MYO10: variants seen among roughly 807,000 people sequenced by gnomAD.
The protein encoded by MYO10 is myosin X.
In MYO10, 133 loss-of-function variants were observed where a neutral mutation model predicts 257.3. The ratio of observed to expected loss-of-function variants is 0.52; its 90% CI spans 0.45 to 0.60. The LOEUF (loss-of-function observed/expected upper bound fraction) is 0.60. Among genes scored for constraint, MYO10 ranks in the 20% least tolerant of loss-of-function variants. The probability of loss-of-function intolerance (pLI) is 0.00; values close to 1 mark genes in which losing one functional copy is unlikely to be tolerated. For synonymous variants in MYO10, 1,104 were observed against 1,028.6 expected, an observed-to-expected ratio of 1.07 and a Z score of -1.40; for missense variants, 2,399 against 2,635.7, an observed-to-expected ratio of 0.91 and a Z score of 1.97.
intron 3 of MYO10, chr5:16,815,292 G>C (rs1439373248): frequency 3.9e-6 from 2 of 512,892 alleles, no homozygotes; most frequent in Non-Finnish European, 3.4e-6. Flanking sequence ...TTTGGATTTT[G>C]GAATATTTGC....
chr5:16,852,271 G>A (rs1743832196), intron 2 of MYO10, among the ~76,000 whole-genome samples: 1 of 150,544 alleles, frequency 6.6e-6, no homozygotes, highest in African/African-American at 2.4e-5. Flanking sequence ...GAAACAAAAA[G>A]TATAGATTCT....
At chr5:16,820,054 G>A (rs1291643977) in intron 2 of MYO10, among the ~76,000 whole-genome samples, 1 of 152,244 alleles carries the variant, frequency 6.6e-6, no homozygotes, top group Admixed American at 6.5e-5. Context: ...TGCCACATGA[G>A]CCCCACAGGG....
intron 25 of MYO10, among the ~76,000 whole-genome samples, chr5:16,699,810 G>GAAAAGGA (rs1737958435): frequency 3.0e-5 from 4 of 131,910 alleles, no homozygotes; most frequent in Admixed American, 2.9e-4. Flanking sequence ...AAAAAAAAGG[G>GAAAAGGA]AAAAGGAAAA....
chr5:16,694,552 A>G lies in MYO10; in HGVS notation c.3619T>C (p.Phe1207Leu). ...TTGAGGGCCTCCTGCTTGGAGCGGA[A>G]CCACAAGAAGGTTTCATCCTTGAGG... is the stretch of plus-strand genomic sequence containing the variant. ...CVLKDETFLW[F>L]RSKQEALKQG... The change falls in exon 27 of 41, where the codon TTC (phenylalanine) becomes CTC (leucine). Residue 1207 changes from phenylalanine (F) to leucine (L), a missense_variant. Phe to Leu is a conservative substitution (Grantham distance 22). Around this residue, in one of 3 missense-constraint regions of MYO10, gnomAD observed 1,820 missense variants for 1,939.4 expected, o/e 0.94. Transcript: ENST00000513610. 1 of 1,613,934 alleles carries G rather than the reference A, an allele frequency of 6.2e-7. No homozygotes were observed. Among genetic ancestry groups the G allele is most frequent in the South Asian group, 1.1e-5 (1 of 91,084 alleles).
chr5:16,903,621 A>G (rs539739469), intron 1 of MYO10, among the ~76,000 whole-genome samples: 4 of 152,214 alleles, frequency 2.6e-5, no homozygotes, highest in Non-Finnish European at 2.9e-5. Context: ...TCCACAAAGC[A>G]GCTAAGAGGT....
intron 19 of MYO10, among the ~76,000 whole-genome samples, chr5:16,749,224 C>T (rs1351491337): frequency 1.3e-5 from 2 of 152,054 alleles, no homozygotes; most frequent in South Asian, 2.1e-4. Context: ...CCATGCTGCA[C>T]GCAGTGGCTC....
intron 2 of MYO10, 99 bp downstream of exon 2, chr5:16,877,510 G>T: frequency 1.2e-6 from 1 of 822,978 alleles, no homozygotes; most frequent in Non-Finnish European, 2.0e-6. Context: ...AAAATGTAAA[G>T]CGTGTGTATG....
chr5:16,792,132 C>CACACAGAGAGAGAG (rs755315207), intron 4 of MYO10, among the ~76,000 whole-genome samples: 8 of 75,286 alleles, frequency 1.1e-4, no homozygotes, highest in African/African-American at 2.8e-4. Context: ...CACACACACA[C>CACACAGAGAGAGAG]AGAGAGAGAG....
At chr5:16,913,630 G>A (rs1484004790) in intron 1 of MYO10, among the ~76,000 whole-genome samples, 3 of 152,212 alleles carry the variant, frequency 2.0e-5, no homozygotes, top group African/African-American at 7.2e-5. Context: ...CAGAAACACA[G>A]CCAACCCCAG....
Position 16,701,434 on chromosome 5 carries a change from G to C in MYO10, c.2961C>G (p.Pro987=). 1 of 1,613,894 alleles carries C rather than the reference G, an allele frequency of 6.2e-7. No individual in the cohort carries two copies. The highest frequency in any genetic ancestry group is 2.2e-5 in the East Asian group (1 of 44,886). ...EEKPNFNFSQ[P]YPEEEVDEGF... ...CCTCATCGACCTCCTCCTCTGGGTA[G>C]GGCTGGCTGAAGTTGAAGTTGGGCT... The change falls in exon 25 of 41, where the codon CCC becomes CCG. Residue 987 remains proline (P), a synonymous_variant. Coordinates refer to ENST00000513610, the MANE Select transcript of MYO10 (RefSeq NM_012334.3). The surrounding 1 kb of genome is among the most constrained non-coding windows in gnomAD (Gnocchi z 8.1).
chr5:16,758,182 T>C lies in MYO10; in HGVS notation c.1784A>G (p.Asn595Ser). The C allele has an allele frequency of 2.5e-6, 4 of 1,613,790 alleles. No individual in the cohort carries two copies. The highest frequency in any genetic ancestry group is 2.2e-5 in the East Asian group (1 of 44,888). The part of the protein sequence containing the change: ...YDLFEHVSSR[N>S]NQDTLKCGSK... ...TCCACATTTCAAGGTATCCTGGTTG[T>C]TGCGGCTTGAAACATGTTCAAAAAG... Residue 595 changes from asparagine (N) to serine (S), a missense_variant, in exon 18 of 41, where the codon AAC becomes AGC. By Grantham distance (46) the Asn-to-Ser change is conservative. This residue lies in a region of MYO10 where 1,820 missense variants were observed against 1,939.4 expected (regional missense o/e 0.94). Transcript: ENST00000513610.
At chr5:16,869,483 G>A (rs1466876883) in intron 2 of MYO10, among the ~76,000 whole-genome samples, 1 of 152,072 alleles carries the variant, frequency 6.6e-6, no homozygotes, top group Non-Finnish European at 1.5e-5. Context: ...GACTGAGACA[G>A]AAGGATCACT....
rs1736113959 is a variant in MYO10 at position 16,665,342 on chromosome 5, C to CAA, written c.*1348_*1349dup. On this transcript the variant is annotated 3_prime_UTR_variant, in exon 41 of 41. Transcript: ENST00000513610. ...TATTGTCAGAACTTCTGTGAGCCAA[C>CAA]AAACAGTTTTGCATGGTTGTACACA... is the stretch of plus-strand genomic sequence containing the variant. 1.3e-5 allele frequency: 2 copies of CAA among 152,096 alleles called. No homozygotes were observed. The highest frequency in any genetic ancestry group is 4.1e-4 in the South Asian group (2 of 4,826). 9.4% of individuals were successfully genotyped at this position (152,096 alleles called of 1,614,324 possible). A position where few individuals can be genotyped will look rare whatever the true frequency, so the allele number is the denominator to read the frequency against.
At chr5:16,852,506 C>T (rs1242832246) in intron 2 of MYO10, among the ~76,000 whole-genome samples, 2 of 151,822 alleles carry the variant, frequency 1.3e-5, no homozygotes, top group Admixed American at 6.6e-5. Context: ...CTTTTAGACA[C>T]TAATCAAATT....
intron 30 of MYO10, among the ~76,000 whole-genome samples, chr5:16,682,742 C>T (rs976900354): frequency 6.6e-6 from 1 of 151,852 alleles, no homozygotes; most frequent in Non-Finnish European, 1.5e-5. Context: ...AACTGGACTG[C>T]AGGACACAGG....
intron 1 of MYO10, among the ~76,000 whole-genome samples, chr5:16,893,451 T>C (rs897086739): frequency 1.3e-5 from 2 of 151,686 alleles, no homozygotes; most frequent in African/African-American, 4.8e-5. Flanking sequence ...CTGGCCAACA[T>C]GGCAAGACTC....
intron 39 of MYO10, among the ~76,000 whole-genome samples, chr5:16,669,898 T>G (rs1015990444): frequency 8.5e-5 from 13 of 152,064 alleles, no homozygotes; most frequent in Admixed American, 3.3e-4. Context: ...TACTCAACTC[T>G]GTACAAAAAC....
At chr5:16,813,091 T>G (rs942222026) in intron 3 of MYO10, among the ~76,000 whole-genome samples, 1 of 152,188 alleles carries the variant, frequency 6.6e-6, no homozygotes, top group African/African-American at 2.4e-5. Context: ...GCAGCCTCTC[T>G]ACCTGGCGAT....
At chr5:16,675,739 AAAAACAAAAAC>A (rs1736694798) in intron 34 of MYO10, among the ~76,000 whole-genome samples, 1 of 152,128 alleles carries the variant, frequency 6.6e-6, no homozygotes. Flanking sequence ...CTCTGTCTCA[AAAAACAAAAAC>A]AAAACAAAAG....
Sources: allele counts gnomAD v4.1 joint callset (sites outside exome capture counted in the v4.1 genomes callset), GRCh38; gene constraint gnomAD v4.1.1; regional missense constraint gnomAD v4.1.1; non-coding constraint Gnocchi (gnomAD v3.1); transcripts MANE v1.5; gene names NCBI Gene and HGNC (gene_info 2026-07-23, HGNC 2026-07-21).